CAMSAP2: variants seen among roughly 807,000 people sequenced by gnomAD.
CAMSAP2 encodes the protein calmodulin regulated spectrin associated protein family member 2.
A neutral mutation model predicts 146.1 loss-of-function variants in CAMSAP2; 26 were observed. The ratio of observed to expected loss-of-function variants is 0.18; its 90% CI spans 0.13 to 0.25. CAMSAP2 has a LOEUF of 0.25. CAMSAP2 is among the 10% of genes least tolerant of loss of function. The pLI, the probability that CAMSAP2 is intolerant of heterozygous loss-of-function variation, is 1.00. For synonymous variants in CAMSAP2, 499 were observed against 596.6 expected, an observed-to-expected ratio of 0.84 and a Z score of 2.38; for missense variants, 1,381 against 1,759.3, an observed-to-expected ratio of 0.78 and a Z score of 3.85.
chr1:200,794,251 C>A (rs1039499129), intron 2 of CAMSAP2, among the ~76,000 whole-genome samples: 1 of 152,210 alleles, frequency 6.6e-6, no homozygotes, highest in Non-Finnish European at 1.5e-5. Context: ...GACCCTTGAA[C>A]AACATGAGTT....
intron 1 of CAMSAP2, 90 bp downstream of exon 1, chr1:200,740,056 C>G (rs891553553): frequency 3.5e-6 from 5 of 1,424,960 alleles, no homozygotes; most frequent in South Asian, 2.5e-5. Flanking sequence ...CCTCCCTCCC[C>G]GTGCCTGTCT....
intron 1 of CAMSAP2, among the ~76,000 whole-genome samples, chr1:200,747,806 C>T (rs1257476342): frequency 6.6e-6 from 1 of 152,132 alleles, no homozygotes; most frequent in South Asian, 2.1e-4. Context: ...GTCAGGAGAT[C>T]GAGACCATCC....
At chr1:200,803,545 T>C (rs1171186258) in intron 2 of CAMSAP2, among the ~76,000 whole-genome samples, 3 of 152,188 alleles carry the variant, frequency 2.0e-5, no homozygotes, top group African/African-American at 7.2e-5. Context: ...TGATCTTTTC[T>C]AAATCCATTG....
intron 4 of CAMSAP2, among the ~76,000 whole-genome samples, chr1:200,824,609 A>G (rs1358467905): frequency 1.3e-5 from 2 of 152,174 alleles, no homozygotes; most frequent in Admixed American, 6.5e-5. Context: ...CAGCATTAAT[A>G]TATTTTACTT....
intron 2 of CAMSAP2, among the ~76,000 whole-genome samples, chr1:200,773,715 C>T (rs2103015277): frequency 6.6e-6 from 1 of 151,942 alleles, no homozygotes. Context: ...TAATAGTAGA[C>T]ACACACATAT....
rs370212437 is a variant in CAMSAP2, at chr1:200,832,292, A to G, written c.738A>G (p.Ala246=). The change falls in exon 5 of 17, where the codon GCA becomes GCG. Residue 246 remains alanine, a synonymous_variant. Coordinates refer to ENST00000358823, the MANE Select transcript of CAMSAP2 (RefSeq NM_203459.4). This position sits in a 1 kb window ranked among gnomAD's most constrained non-coding sequence, Gnocchi z 4.2. ...TGAAGGATGGGACAGATGGCTGTGC[A>G]TTAGCTGCCCTTATTCATTTTTACT... ...NLLKDGTDGC[A]LAALIHFYCP... is the part of the protein sequence containing the mutation. The G allele has an allele frequency of 1.9e-6, 3 of 1,613,680 alleles. No individual in the cohort carries two copies. Among genetic ancestry groups the G allele is most frequent in the East Asian group, 2.2e-5 (1 of 44,842 alleles).
chr1:200,809,439 T>C (rs1666267175), intron 3 of CAMSAP2, among the ~76,000 whole-genome samples: 1 of 152,228 alleles, frequency 6.6e-6, no homozygotes, highest in African/African-American at 2.4e-5. Context: ...CATTTTCTTC[T>C]TGTAACAGAA....
intron 14 of CAMSAP2, 113 bp from the exon 15 acceptor site, chr1:200,855,897 A>C: frequency 2.9e-3 from 1,623 of 552,456 alleles, no homozygotes; most frequent in Non-Finnish European, 3.8e-3. Flanking sequence ...GCCCGGCCTT[A>C]TCATATTATT....
chr1:200,808,334 T>C (rs568856495), intron 3 of CAMSAP2, among the ~76,000 whole-genome samples: 1 of 152,308 alleles, frequency 6.6e-6, no homozygotes, highest in South Asian at 2.1e-4. Context: ...CTTTGCCAAT[T>C]TGAGTAGTTA....
At chr1:200,855,901 T>G in intron 14 of CAMSAP2, 109 bp from the exon 15 acceptor site, 3 of 720,656 alleles carry the variant, frequency 4.2e-6, no homozygotes, top group African/African-American at 1.8e-5. Context: ...GGCCTTATCA[T>G]ATTATTTTTA....
At chr1:200,816,909 C>CGTGTGTAT (rs1666553872) in intron 4 of CAMSAP2, among the ~76,000 whole-genome samples, 1 of 71,864 alleles carries the variant, frequency 1.4e-5, no homozygotes, top group African/African-American at 5.8e-5. Context: ...CACACACACG[C>CGTGTGTAT]GTGTGTATGT....
chr1:200,825,107 G>A (rs948539578), intron 4 of CAMSAP2, among the ~76,000 whole-genome samples: 3 of 151,940 alleles, frequency 2.0e-5, no homozygotes, highest in Non-Finnish European at 2.9e-5. Context: ...CTCTGCCCCC[G>A]CCTTCACTGT....
Position 200,832,184 on chromosome 1 carries a change from T to G in CAMSAP2, c.646-16T>G. ...TTGGTACTTATTTATTTTCATGTAT[T>G]TTTTTTATATCGTAGGCTCGTTATC... On this transcript the variant is annotated splice_polypyrimidine_tract_variant and intron_variant, in intron 4 of 16. Transcript: ENST00000358823. This position sits in a 1 kb window ranked among gnomAD's most constrained non-coding sequence, Gnocchi z 4.2. 1 of 1,586,062 alleles carries G rather than the reference T, an allele frequency of 6.3e-7. No homozygotes were observed. Among genetic ancestry groups the G allele is most frequent in the Non-Finnish European group, 8.5e-7 (1 of 1,170,630 alleles).
In CAMSAP2 at chr1:200,760,989, T is replaced by C. The variant is rs1356314668; in HGVS notation, c.290T>C (p.Leu97Pro). 2 of 1,614,106 alleles carry C rather than the reference T, an allele frequency of 1.2e-6. No homozygotes were observed. Among genetic ancestry groups the C allele is most frequent in the South Asian group, 2.2e-5 (2 of 91,086 alleles). Reference sequence around the variant, plus strand: ...CTCAAGAGTGATGCTGCAAAACCCCTTTTGGGCCATGATGCTGTAATCCAG... The same window carrying C: ...CTCAAGAGTGATGCTGCAAAACCCCCTTTGGGCCATGATGCTGTAATCCAG... The part of the protein sequence containing the change: ...LILKSDAAKP[L>P]LGHDAVIQAL... Residue 97 changes from leucine to proline, a missense_variant, in exon 2 of 17, where the codon CTT becomes CCT. Physicochemically the swap from Leu to Pro is moderately conservative, Grantham distance 98 (BLOSUM62 -3). Coordinates refer to ENST00000358823, the MANE Select transcript of CAMSAP2 (RefSeq NM_203459.4).
At chr1:200,777,669 AAAG>A (rs757838173) in intron 2 of CAMSAP2, among the ~76,000 whole-genome samples, 52 of 152,318 alleles carry the variant, frequency 3.4e-4, no homozygotes, top group Middle Eastern at 3.4e-3. Context: ...AATAGGAAAA[AAAG>A]GTATACTTTA....
intron 3 of CAMSAP2, among the ~76,000 whole-genome samples, chr1:200,814,619 AAAAAAAAAAAAAAAAC>A (rs1412373306): frequency 7.3e-6 from 1 of 136,420 alleles, no homozygotes; most frequent in South Asian, 2.4e-4. Flanking sequence ...CAAAAAAAAA[AAAAAAAAAAAAAAAAC>A]AAGAAGAAGA....
At chr1:200,836,754 T>G (rs993982473) in intron 6 of CAMSAP2, among the ~76,000 whole-genome samples, 1 of 152,210 alleles carries the variant, frequency 6.6e-6, no homozygotes, top group African/African-American at 2.4e-5. Context: ...TCAACACCTA[T>G]TATTTTTTGA....
Position 200,807,397 on chromosome 1 carries a change from G to C in CAMSAP2, c.421G>C (p.Asp141His). 1 of 1,549,992 alleles carries C rather than the reference G, an allele frequency of 6.5e-7. No individual in the cohort carries two copies. Among genetic ancestry groups the C allele is most frequent in the South Asian group, 1.2e-5 (1 of 81,032 alleles). ...TCAGAGTGCACATTTGGCCATGATC[G>C]ATACCCTCATGATGGCTTATACTGT... ...IQMSAHLAMIDTLMMAYTVEM... is the reference protein window; with the variant it reads ...IQMSAHLAMIHTLMMAYTVEM... Residue 141 changes from aspartate (D) to histidine (H), a missense_variant, in exon 3 of 17, where the codon GAT becomes CAT. Around this residue, in one of 4 missense-constraint regions of CAMSAP2, gnomAD observed 284 missense variants for 406.9 expected, o/e 0.70. Coordinates refer to ENST00000358823, the MANE Select transcript of CAMSAP2 (RefSeq NM_203459.4).
chr1:200,837,074 T>C (rs929923483), intron 6 of CAMSAP2, among the ~76,000 whole-genome samples: 1 of 152,230 alleles, frequency 6.6e-6, no homozygotes, highest in African/African-American at 2.4e-5. Flanking sequence ...TCTTTTGCTG[T>C]GCAGAAGCTT....
Sources: allele counts gnomAD v4.1 joint callset (sites outside exome capture counted in the v4.1 genomes callset), GRCh38; gene constraint gnomAD v4.1.1; regional missense constraint gnomAD v4.1.1; non-coding constraint Gnocchi (gnomAD v3.1); transcripts MANE v1.5; gene names NCBI Gene and HGNC (gene_info 2026-07-23, HGNC 2026-07-21).